Variants in HPSE2 observed in about 807,000 individuals in gnomAD.
The protein encoded by HPSE2 is heparanase 2 (inactive), also known as inactive heparanase-2.
Under a neutral mutation model 60.5 loss-of-function variants are expected in HPSE2, and 38 were observed. That is an observed-to-expected ratio of 0.63 (90% CI 0.48 to 0.82). The LOEUF is 0.82. Among genes scored for constraint, HPSE2 ranks in the 40% least tolerant of loss-of-function variants. HPSE2 has a pLI of 0.00. For synonymous variants in HPSE2, 295 were observed against 293.2 expected, an observed-to-expected ratio of 1.01 and a Z score of -0.06; for missense variants, 713 against 740.4, an observed-to-expected ratio of 0.96 and a Z score of 0.43.
chr10:98,496,733 G>T (rs1941851908), intron 9 of HPSE2, among the ~76,000 whole-genome samples: 1 of 152,224 alleles, frequency 6.6e-6, no homozygotes, highest in Non-Finnish European at 1.5e-5. Context: ...TGAAGAGACA[G>T]ATTCATGATG....
chr10:98,935,401 T>G (rs1396457380), intron 3 of HPSE2, among the ~76,000 whole-genome samples: 1 of 143,712 alleles, frequency 7.0e-6, no homozygotes, highest in Non-Finnish European at 1.5e-5. Context: ...TTTGCATTGG[T>G]TTTTCCTCAT....
upstream of HPSE2, among the ~76,000 whole-genome samples, chr10:99,238,236 G>A (rs1166395825): frequency 6.6e-6 from 1 of 152,176 alleles, no homozygotes; most frequent in African/African-American, 2.4e-5. Context: ...ACCAATGGAA[G>A]ACAATTTGAA....
intron 6 of HPSE2, among the ~76,000 whole-genome samples, chr10:98,645,977 A>G (rs746660538): frequency 5.9e-5 from 9 of 152,186 alleles, no homozygotes; most frequent in Non-Finnish European, 1.3e-4. Context: ...TAGGTCTCAA[A>G]ACAAAACAAA....
At chr10:98,610,323 G>T (rs1163208309) in intron 9 of HPSE2, among the ~76,000 whole-genome samples, 2 of 152,178 alleles carry the variant, frequency 1.3e-5, no homozygotes, top group Non-Finnish European at 2.9e-5. Flanking sequence ...TCTTGTCCTA[G>T]GATCTTGTGA....
At chr10:99,166,169 T>C (rs953854708) in intron 2 of HPSE2, among the ~76,000 whole-genome samples, 9 of 152,200 alleles carry the variant, frequency 5.9e-5, no homozygotes, top group Non-Finnish European at 1.3e-4. Flanking sequence ...TAATATTCCA[T>C]TGAATGGCTG....
In HPSE2 at chr10:98,544,126, C is replaced by T. The variant is rs553545069; in HGVS notation, c.1321-53930G>A. Among the ~76,000 whole-genome samples the T allele has an allele frequency of 3.2e-4, 48 of 152,250 alleles. 1 individual carries two copies. Among genetic ancestry groups the T allele is most frequent in the Admixed American group, 3.0e-3 (46 of 15,294 alleles). Reference sequence around the variant, plus strand: ...GCAAAAGAATAGAAATTTTAACAAACTGTCTCTCAGACCACAGTGCAATCA... The same window carrying T: ...GCAAAAGAATAGAAATTTTAACAAATTGTCTCTCAGACCACAGTGCAATCA... On this transcript the variant is annotated intron_variant, in intron 9 of 11. Transcript: ENST00000370552.
intron 2 of HPSE2, among the ~76,000 whole-genome samples, chr10:99,146,347 C>A (rs145214565): frequency 6.6e-6 from 1 of 152,250 alleles, no homozygotes; most frequent in Non-Finnish European, 1.5e-5. Flanking sequence ...AATTTCCCAG[C>A]TTTCCTTGCA....
upstream of HPSE2, among the ~76,000 whole-genome samples, chr10:99,237,127 T>C (rs529869517): frequency 6.7e-4 from 102 of 152,280 alleles, no homozygotes; most frequent in African/African-American, 2.4e-3. Flanking sequence ...GGTCCTATCC[T>C]GAAGCGCGGG....
chr10:98,954,871 G>A (rs1955463424), intron 3 of HPSE2, among the ~76,000 whole-genome samples: 3 of 151,584 alleles, frequency 2.0e-5, no homozygotes, highest in Admixed American at 2.0e-4. Flanking sequence ...TGGTGTACAT[G>A]CTTAGAGATG....
At chr10:98,997,782 C>T (rs1956683105) in intron 3 of HPSE2, among the ~76,000 whole-genome samples, 1 of 152,216 alleles carries the variant, frequency 6.6e-6, no homozygotes, top group African/African-American at 2.4e-5. Context: ...TGTTTAACAG[C>T]CATGACACCT....
chr10:98,532,757 T>A (rs1943169498), intron 9 of HPSE2, among the ~76,000 whole-genome samples: 1 of 152,210 alleles, frequency 6.6e-6, no homozygotes, highest in Non-Finnish European at 1.5e-5. Context: ...CAGCTTTTTT[T>A]AGCCTCTATC....
chr10:98,715,786 T>C (rs1419651637), intron 5 of HPSE2, among the ~76,000 whole-genome samples: 1 of 152,056 alleles, frequency 6.6e-6, no homozygotes, highest in African/African-American at 2.4e-5. Context: ...ATCTTTTTGC[T>C]GATAGAGGGT....
At chr10:99,137,563 A>C (rs1845707243) in intron 3 of HPSE2, among the ~76,000 whole-genome samples, 2 of 152,206 alleles carry the variant, frequency 1.3e-5, no homozygotes, top group African/African-American at 4.8e-5. Context: ...CCAATGGAAA[A>C]GAACAGAGGC....
At chr10:99,077,413 T>G (rs1842983054) in intron 3 of HPSE2, among the ~76,000 whole-genome samples, 2 of 152,168 alleles carry the variant, frequency 1.3e-5, no homozygotes, top group African/African-American at 4.8e-5. Context: ...TTCACTTGTT[T>G]TTCTTTTTGT....
chr10:99,235,393 T>C (rs1849805245), intron 1 of HPSE2, 120 bp downstream of exon 1: 3 of 953,502 alleles, frequency 3.1e-6, no homozygotes, highest in African/African-American at 3.2e-5. Flanking sequence ...ACCTCTTTTC[T>C]TCTCTTTGAG....
rs559646372 is a variant in HPSE2 at position 98,940,260 on chromosome 10, C to A, written c.611-196204G>T. 2.0e-4 allele frequency among the ~76,000 whole-genome samples: 28 copies of A among 143,140 alleles called. 1 individual carries two copies. In the East Asian group the frequency reaches 5.6e-3, roughly 28 times the overall value. The allele number at this position is 143,140 out of a possible 152,430, so 93.9% of individuals were successfully genotyped here. A position where few individuals can be genotyped will look rare whatever the true frequency, so the allele number is the denominator to read the frequency against. On this transcript the variant is annotated intron_variant, in intron 3 of 11. Coordinates refer to ENST00000370552, the MANE Select transcript of HPSE2 (RefSeq NM_021828.5). ...AGCAGAAATGAAGGAAATAGAGACA[C>A]AAAAAACCCTTCAAAAAATTAATGA...
chr10:98,849,230 C>T (rs2134725554), intron 3 of HPSE2, among the ~76,000 whole-genome samples: 1 of 152,248 alleles, frequency 6.6e-6, no homozygotes, highest in Non-Finnish European at 1.5e-5. Context: ...CCTTCCCTCC[C>T]AGTTAAATAA....
intron 3 of HPSE2, among the ~76,000 whole-genome samples, chr10:98,913,900 A>G (rs1379832703): frequency 6.6e-6 from 1 of 152,224 alleles, no homozygotes; most frequent in Non-Finnish European, 1.5e-5. Flanking sequence ...TGGAGCTTAA[A>G]TCCACAAATA....
At chr10:99,040,824 C>A (rs956187027) in intron 3 of HPSE2, among the ~76,000 whole-genome samples, 2 of 152,146 alleles carry the variant, frequency 1.3e-5, no homozygotes, top group Non-Finnish European at 2.9e-5. Flanking sequence ...CAGTGGCTCA[C>A]GCCTGTAATC....
Sources: allele counts gnomAD v4.1 joint callset (sites outside exome capture counted in the v4.1 genomes callset), GRCh38; gene constraint gnomAD v4.1.1; transcripts MANE v1.5; gene names NCBI Gene and HGNC (gene_info 2026-07-23, HGNC 2026-07-21).